The following NRG3 variants were observed in gnomAD, a reference collection of about 807,000 sequenced individuals.
NRG3 encodes the protein pro-neuregulin-3, membrane-bound isoform.
NRG3 carries 31 observed loss-of-function variants against 66.9 expected under a neutral mutation model. The ratio of observed to expected loss-of-function variants is 0.46; its 90% CI spans 0.35 to 0.63. The LOEUF (loss-of-function observed/expected upper bound fraction) is 0.63, where lower values mean the gene tolerates loss of function less well. Among genes scored for constraint, NRG3 ranks in the 20% least tolerant of loss-of-function variants. NRG3 has a pLI of 0.00. For missense variants in NRG3, 910 were observed against 878.9 expected, an observed-to-expected ratio of 1.04 and a Z score of -0.45; for synonymous variants, 393 against 359.4, an observed-to-expected ratio of 1.09 and a Z score of -1.06.
chr10:82,760,186 C>T (rs375912132), intron 3 of NRG3, among the ~76,000 whole-genome samples: 14 of 152,180 alleles, frequency 9.2e-5, no homozygotes, highest in East Asian at 7.7e-4. Flanking sequence ...AGCCTATAAA[C>T]TAGCACCACA....
At chr10:82,032,652 A>G (rs1373352648) in intron 1 of NRG3, among the ~76,000 whole-genome samples, 2 of 152,118 alleles carry the variant, frequency 1.3e-5, no homozygotes, top group Non-Finnish European at 2.9e-5. Flanking sequence ...TATGAGAACT[A>G]TATCATTATA....
At chr10:82,393,268 A>G (rs2086504524) in intron 2 of NRG3, among the ~76,000 whole-genome samples, 1 of 152,106 alleles carries the variant, frequency 6.6e-6, no homozygotes, top group Non-Finnish European at 1.5e-5. Flanking sequence ...CATGAGTCTT[A>G]ATTGGATTAT....
intron 4 of NRG3, among the ~76,000 whole-genome samples, chr10:82,939,651 A>T (rs1192656543): frequency 1.3e-5 from 2 of 151,824 alleles, no homozygotes; most frequent in African/African-American, 2.4e-5. Context: ...TCGTATTTTT[A>T]GTAGAGATGG....
At chr10:82,965,935 TTTTG>T (rs777163435) in intron 6 of NRG3, among the ~76,000 whole-genome samples, 1 of 152,136 alleles carries the variant, frequency 6.6e-6, no homozygotes, top group Non-Finnish European at 1.5e-5. Flanking sequence ...TCTCAATTCT[TTTTG>T]TTTATTTCGA....
At chr10:82,027,116 C>A (rs2132831136) in intron 1 of NRG3, among the ~76,000 whole-genome samples, 1 of 152,134 alleles carries the variant, frequency 6.6e-6, no homozygotes, top group Admixed American at 6.5e-5. Context: ...ATTTTCTGGG[C>A]ATCCTTTGGG....
intron 2 of NRG3, among the ~76,000 whole-genome samples, chr10:82,670,086 C>T (rs12358612): frequency 0.088 from 13,412 of 152,184 alleles, 865 homozygotes; most frequent in Non-Finnish European, 0.13. Context: ...TTTCTTAAGT[C>T]GGTCAAGATG....
chr10:82,017,973 T>G (rs1255437558), intron 1 of NRG3, among the ~76,000 whole-genome samples: 2 of 152,292 alleles, frequency 1.3e-5, no homozygotes, highest in African/African-American at 2.4e-5. Flanking sequence ...TGTGGCTTTT[T>G]TTGCCATAGC....
chr10:82,628,169 A>C (rs1481128), intron 2 of NRG3, among the ~76,000 whole-genome samples: 2 of 152,334 alleles, frequency 1.3e-5, no homozygotes, highest in East Asian at 3.9e-4. Flanking sequence ...ACATATTTTC[A>C]TGTGATTTGA....
intron 2 of NRG3, among the ~76,000 whole-genome samples, chr10:82,663,682 C>T (rs58738273): frequency 0.026 from 3,971 of 152,136 alleles, 171 homozygotes; most frequent in African/African-American, 0.091. Context: ...GTGTTCTTGT[C>T]AAGGGAGGAC....
At chr10:82,537,719 T>C (rs1195522558) in intron 2 of NRG3, among the ~76,000 whole-genome samples, 1 of 152,222 alleles carries the variant, frequency 6.6e-6, no homozygotes, top group Admixed American at 6.5e-5. Flanking sequence ...CAAAACTTTA[T>C]ACCTTCAATT....
At chr10:82,693,374 T>A (rs1164899280) in intron 2 of NRG3, among the ~76,000 whole-genome samples, 1 of 152,174 alleles carries the variant, frequency 6.6e-6, no homozygotes, top group African/African-American at 2.4e-5. Flanking sequence ...AGCAAAGGAA[T>A]CATTAGGTAT....
At chr10:82,459,582 C>G (rs1403754611) in intron 2 of NRG3, among the ~76,000 whole-genome samples, 2 of 152,178 alleles carry the variant, frequency 1.3e-5, no homozygotes, top group East Asian at 3.8e-4. Context: ...AAAAGAAAAA[C>G]AGTGCTGCTC....
rs142913361 is a variant in NRG3 at position 81,897,237 on chromosome 10, G to A, written c.823+21074G>A. 3.3e-4 allele frequency among the ~76,000 whole-genome samples: 50 copies of A among 152,256 alleles called. 1 individual carries two copies. In the East Asian group the frequency reaches 8.2e-3, roughly 25 times the overall value. On this transcript the variant is annotated intron_variant, in intron 1 of 8. Coordinates refer to ENST00000372141, the MANE Select transcript of NRG3 (RefSeq NM_001010848.4). ...AAATGGGAGAGGTAGAAAAGGTCAG[G>A]CACATAAGGAACTTGGACTTGATTT...
At chr10:82,575,923 T>A (rs2046000648) in intron 2 of NRG3, among the ~76,000 whole-genome samples, 1 of 151,692 alleles carries the variant, frequency 6.6e-6, no homozygotes. Context: ...AATGAATGGA[T>A]TTCTGGGTCT....
chr10:82,869,900 A>G (rs1038990491), intron 4 of NRG3, among the ~76,000 whole-genome samples: 680 of 128,980 alleles, frequency 5.3e-3, no homozygotes, highest in Middle Eastern at 0.041. Flanking sequence ...GAGCCACCAC[A>G]CCTGGCCCCA....
intron 2 of NRG3, among the ~76,000 whole-genome samples, chr10:82,707,980 C>G (rs2056425024): frequency 6.6e-6 from 1 of 151,882 alleles, no homozygotes; most frequent in South Asian, 2.1e-4. Context: ...CAGGATCACG[C>G]CACTGCACTC....
rs938177352 is a variant in NRG3 at position 82,947,596 on chromosome 10, A to G, written c.1055-3873A>G. 4.6e-5 allele frequency among the ~76,000 whole-genome samples: 7 copies of G among 152,272 alleles called. No homozygotes were observed. In the South Asian group the frequency reaches 8.3e-4, roughly 18 times the overall value. On this transcript the variant is annotated intron_variant, in intron 4 of 8. Transcript: ENST00000372141. Reference sequence around the variant, plus strand: ...TGTTCACATCCTTTTCACATTTGGTATGGTAAGTCTTTAATCTCACCTATT... The same window carrying G: ...TGTTCACATCCTTTTCACATTTGGTGTGGTAAGTCTTTAATCTCACCTATT...
At chr10:82,161,239 T>C (rs1315818557) in intron 1 of NRG3, among the ~76,000 whole-genome samples, 1 of 152,086 alleles carries the variant, frequency 6.6e-6, no homozygotes, top group Admixed American at 6.6e-5. Context: ...ATAGAGAAAG[T>C]ACATGAAGTT....
chr10:82,818,712 A>G (rs2061822619), intron 3 of NRG3, among the ~76,000 whole-genome samples: 1 of 152,032 alleles, frequency 6.6e-6, no homozygotes, highest in South Asian at 2.1e-4. Context: ...GATCGATCTG[A>G]GTGTTCCCAT....
Sources: gnomAD v4.1 joint callset for allele counts (sites outside exome capture counted in the v4.1 genomes callset) on GRCh38, gnomAD v4.1.1 for gene constraint, MANE v1.5 for transcripts, NCBI Gene and HGNC (gene_info 2026-07-23, HGNC 2026-07-21) for gene names.